ADAM23: variants seen among roughly 807,000 people sequenced by gnomAD.
The protein encoded by ADAM23 is ADAM metallopeptidase domain 23.
In ADAM23, 33 loss-of-function variants were observed where a neutral mutation model predicts 120.1. The ratio of observed to expected loss-of-function variants is 0.27; its 90% CI spans 0.21 to 0.37. ADAM23 has a LOEUF of 0.37. ADAM23 is among the 10% of genes least tolerant of loss of function. The pLI is 1.00. For synonymous variants in ADAM23, 367 were observed against 375.2 expected, an observed-to-expected ratio of 0.98 and a Z score of 0.25; for missense variants, 862 against 1,058.2, an observed-to-expected ratio of 0.81 and a Z score of 2.57.
At chr2:206,605,411 G>C (rs1374707915) in intron 24 of ADAM23, among the ~76,000 whole-genome samples, 1 of 152,154 alleles carries the variant, frequency 6.6e-6, no homozygotes, top group Non-Finnish European at 1.5e-5. Context: ...TTTACAGTTT[G>C]AGAATTTTAT....
chr2:206,505,450 T>C (rs2105896339), intron 3 of ADAM23, among the ~76,000 whole-genome samples: 1 of 152,292 alleles, frequency 6.6e-6, no homozygotes, highest in South Asian at 2.1e-4. Flanking sequence ...AAAAGAGGTT[T>C]AACTGGCTCT....
chr2:206,611,419 C>G (rs766599885), intron 25 of ADAM23, among the ~76,000 whole-genome samples: 4 of 150,808 alleles, frequency 2.7e-5, no homozygotes, highest in Non-Finnish European at 4.5e-5. Flanking sequence ...TTGGGCGGAC[C>G]TAATTCAAGC....
At chr2:206,517,903 G>T (rs540455276) in intron 3 of ADAM23, among the ~76,000 whole-genome samples, 5 of 152,176 alleles carry the variant, frequency 3.3e-5, no homozygotes, top group Non-Finnish European at 7.4e-5. Context: ...ATTAAAAATA[G>T]TCCCTCTGAA....
rs1158822310 is a variant in ADAM23 at position 206,557,418 on chromosome 2, C to T, written c.934-9C>T. On this transcript the variant is annotated splice_polypyrimidine_tract_variant and intron_variant, in intron 9 of 25. Transcript: ENST00000264377. ...ATTTGGCAGTGACTGGTATGTATTT[C>T]CCCCCTAGTATAAGAAGCATCGCTC... is the stretch of plus-strand genomic sequence containing the variant. 1 of 1,608,918 alleles carries T rather than the reference C, an allele frequency of 6.2e-7. No individual in the cohort carries two copies. Among genetic ancestry groups the T allele is most frequent in the South Asian group, 1.1e-5 (1 of 90,922 alleles).
At chr2:206,477,895 A>C (rs763619538) in intron 2 of ADAM23, among the ~76,000 whole-genome samples, 6 of 102,196 alleles carry the variant, frequency 5.9e-5, no homozygotes, top group Non-Finnish European at 7.5e-5. Context: ...AAAAAAAAAA[A>C]AAATATATAT....
intron 3 of ADAM23, among the ~76,000 whole-genome samples, chr2:206,522,658 G>A (rs916799744): frequency 1.3e-5 from 2 of 152,086 alleles, no homozygotes; most frequent in Non-Finnish European, 2.9e-5. Flanking sequence ...AATATTGGAT[G>A]TATCAGAAAA....
chr2:206,497,536 A>G (rs1460114701), intron 3 of ADAM23, among the ~76,000 whole-genome samples: 2 of 152,204 alleles, frequency 1.3e-5, no homozygotes, highest in East Asian at 3.8e-4. Context: ...ACAAACCCAC[A>G]GCCAATATCA....
intron 24 of ADAM23, among the ~76,000 whole-genome samples, chr2:206,597,592 C>T (rs957505429): frequency 1.3e-5 from 2 of 152,110 alleles, no homozygotes; most frequent in East Asian, 3.9e-4. Flanking sequence ...CACAAACAGG[C>T]CTACTACAGC....
intron 21 of ADAM23, among the ~76,000 whole-genome samples, chr2:206,592,214 G>A (rs780131739): frequency 2.0e-5 from 3 of 152,164 alleles, no homozygotes; most frequent in Non-Finnish European, 4.4e-5. Context: ...TCTTCTCCCT[G>A]TCAGTCTCTA....
chr2:206,612,238 T>C (rs1275939680), intron 25 of ADAM23, among the ~76,000 whole-genome samples: 4 of 152,224 alleles, frequency 2.6e-5, no homozygotes, highest in Admixed American at 2.0e-4. Context: ...ATAACACTTC[T>C]ACCTTGTAAT....
At position 206,562,316 on chromosome 2, in the gene ADAM23, T is replaced by G. The variant is rs753934757; in HGVS notation, c.1345+23T>G. 1.6e-5 allele frequency: 25 copies of G among 1,577,770 alleles called. No individual in the cohort carries two copies. The East Asian group carries it at 5.6e-4, about 35-fold the overall frequency. On this transcript the variant is annotated intron_variant, in intron 13 of 25. Transcript: ENST00000264377. ...CAAGTATGTACACTGACCTTCTTAC[T>G]CATTTTCATGTGCCATTCTGTCTGT...
chr2:206,612,964 G>T (rs1482662999), intron 25 of ADAM23, among the ~76,000 whole-genome samples: 1 of 152,166 alleles, frequency 6.6e-6, no homozygotes, highest in Non-Finnish European at 1.5e-5. Flanking sequence ...CAAGGTTGTG[G>T]ATTTCCTGAA....
chr2:206,518,510 G>A (rs937943417), intron 3 of ADAM23, among the ~76,000 whole-genome samples: 1 of 152,070 alleles, frequency 6.6e-6, no homozygotes, highest in Non-Finnish European at 1.5e-5. Flanking sequence ...AAACATGTTA[G>A]CATGACTCTC....
rs746394241 is a variant in ADAM23, at chr2:206,573,180, T to G, written c.1722T>G (p.Thr574=). 1 of 1,613,982 alleles carries G rather than the reference T, an allele frequency of 6.2e-7. No homozygotes were observed. The highest frequency in any genetic ancestry group is 8.5e-7 in the Non-Finnish European group (1 of 1,179,846). The change falls in exon 18 of 26, where the codon ACT becomes ACG. Residue 574 remains threonine (T), a synonymous_variant. Transcript: ENST00000264377. ...AGTGTGATATTACTGAATATTGTAC[T>G]GGAGACTCTGGTCAGGTATGGCGCA... is the stretch of plus-strand genomic sequence containing the variant. The part of the protein sequence containing the change: ...VNECDITEYC[T]GDSGQCPPNL...
intron 18 of ADAM23, among the ~76,000 whole-genome samples, chr2:206,581,314 A>C (rs1698215139): frequency 6.6e-6 from 1 of 152,106 alleles, no homozygotes; most frequent in African/African-American, 2.4e-5. Flanking sequence ...GTATGACCTC[A>C]GATTGTCTGT....
In ADAM23 at chr2:206,620,322, C is replaced by T. The variant is rs1482497365; in HGVS notation, c.*2695C>T. The T allele has an allele frequency of 6.6e-6, 1 of 152,094 alleles. No homozygotes were observed. The highest frequency in any genetic ancestry group is 2.4e-5 in the African/African-American group (1 of 41,402). 9.4% of individuals were successfully genotyped at this position (152,094 alleles called of 1,614,324 possible). A position where few individuals can be genotyped will look rare whatever the true frequency, so the allele number is the denominator to read the frequency against. On this transcript the variant is annotated 3_prime_UTR_variant, in exon 26 of 26. Coordinates refer to ENST00000264377, the MANE Select transcript of ADAM23 (RefSeq NM_003812.4). ...CTGGCAATTTCATAGGTAATCGAAC[C>T]TATGCTCCAATGTTAAATTATTTGT... is the stretch of plus-strand genomic sequence containing the variant.
chr2:206,585,980 T>C (rs1025138592), intron 18 of ADAM23, among the ~76,000 whole-genome samples: 9 of 152,122 alleles, frequency 5.9e-5, no homozygotes, highest in Admixed American at 2.6e-4. Flanking sequence ...AAGGCCTCTT[T>C]GGGATGATGA....
intron 18 of ADAM23, among the ~76,000 whole-genome samples, chr2:206,573,934 T>C (rs967883427): frequency 6.6e-6 from 1 of 152,142 alleles, no homozygotes; most frequent in Admixed American, 6.5e-5. Flanking sequence ...GTCATCTGCC[T>C]CATTAACAGA....
intron 25 of ADAM23, among the ~76,000 whole-genome samples, chr2:206,613,753 G>A (rs958841845): frequency 1.3e-5 from 2 of 152,162 alleles, no homozygotes; most frequent in Non-Finnish European, 2.9e-5. Flanking sequence ...TAAAGCTTAG[G>A]AAAGGTGAAA....
Sources: allele counts gnomAD v4.1 joint callset (sites outside exome capture counted in the v4.1 genomes callset), GRCh38; gene constraint gnomAD v4.1.1; transcripts MANE v1.5; gene names NCBI Gene and HGNC (gene_info 2026-07-23, HGNC 2026-07-21).